Variants in JPT2 observed in about 807,000 individuals in gnomAD.
JPT2 encodes CRAMP_1 like.
In JPT2, 9 loss-of-function variants were observed where a neutral mutation model predicts 15.9. The ratio of observed to expected loss-of-function variants is 0.57; its 90% CI spans 0.34 to 0.99. The LOEUF (loss-of-function observed/expected upper bound fraction) is 0.99. Ranked by LOEUF, JPT2 falls within the 50% of genes least tolerant of loss-of-function variation. The probability of loss-of-function intolerance (pLI) is 0.02; values close to 1 mark genes in which losing one functional copy is unlikely to be tolerated. For synonymous variants in JPT2, 95 were observed against 91.7 expected, an observed-to-expected ratio of 1.04 and a Z score of -0.21; for missense variants, 267 against 252.1, an observed-to-expected ratio of 1.06 and a Z score of -0.40.
At chr16:1,678,935 A>C (rs918913002) in intron 1 of JPT2, among the ~76,000 whole-genome samples, 1 of 152,034 alleles carries the variant, frequency 6.6e-6, no homozygotes, top group African/African-American at 2.4e-5. Context: ...CTTCCTTTGG[A>C]AAGTGCCAGG....
chr16:1,687,082 A>G (rs1238356666), intron 2 of JPT2, among the ~76,000 whole-genome samples: 2 of 152,240 alleles, frequency 1.3e-5, no homozygotes, highest in East Asian at 3.8e-4. Flanking sequence ...TCCCAGGCTC[A>G]GGTGACCCTT....
At chr16:1,702,246 A>G (rs2037184725), downstream of JPT2, 1 of 439,042 alleles carries the variant, frequency 2.3e-6, no homozygotes. Context: ...GATGAAAGTC[A>G]ACGCTTGAGA....
chr16:1,684,939 G>A (rs1277381954), intron 1 of JPT2, among the ~76,000 whole-genome samples: 1 of 151,582 alleles, frequency 6.6e-6, no homozygotes, highest in Non-Finnish European at 1.5e-5. Flanking sequence ...ATACTTTTAA[G>A]GGAAACTAAA....
At chr16:1,692,221 C>T (rs1033816125) in intron 3 of JPT2, 38 of 566,100 alleles carry the variant, frequency 6.7e-5, no homozygotes, top group Non-Finnish European at 1.1e-4. Flanking sequence ...TGGTGGCGGA[C>T]GCCCACTGCA....
chr16:1,690,549 A>G (rs991910586), intron 2 of JPT2: 1 of 152,230 alleles, frequency 6.6e-6, no homozygotes, highest in Non-Finnish European at 1.5e-5. Flanking sequence ...ATCAATTTAC[A>G]AAATGTAATT....
Position 1,683,366 on chromosome 16 carries a change from C to T in JPT2, c.45-2073C>T. On this transcript the variant is annotated intron_variant, in intron 1 of 4. Transcript: ENST00000248098. ...GCTCAAACAGTCCTCCCACCTCGGC[C>T]TCCCAAGGTGCTGGGATTACAGGTG... 10 of 614,008 alleles carry T rather than the reference C, an allele frequency of 1.6e-5. No individual in the cohort carries two copies. The Admixed American group carries it at 2.3e-4, about 14-fold the overall frequency. The allele number at this position is 614,008 out of a possible 1,614,324, so 38.0% of individuals were successfully genotyped here. A position where few individuals can be genotyped will look rare whatever the true frequency, so the allele number is the denominator to read the frequency against.
At chr16:1,687,623 C>T (rs982029746) in intron 2 of JPT2, among the ~76,000 whole-genome samples, 3 of 152,160 alleles carry the variant, frequency 2.0e-5, no homozygotes, top group Admixed American at 1.3e-4. Flanking sequence ...GTGGGGAGCC[C>T]GGCCCCTTGC....
chr16:1,691,740 T>C, intron 2 of JPT2, 103 bp from the exon 3 acceptor site: 1 of 1,375,928 alleles, frequency 7.3e-7, no homozygotes, highest in Non-Finnish European at 9.7e-7. Context: ...GGGCTGGCAC[T>C]CGGGGTTCCT....
chr16:1,697,928 C>T (rs2037154390), intron 4 of JPT2, 68 bp downstream of exon 4: 3 of 1,417,068 alleles, frequency 2.1e-6, no homozygotes, highest in Middle Eastern at 1.8e-4. Context: ...GCTAGTCTCT[C>T]CTCTGGGAAT....
intron 2 of JPT2, 113 bp from the exon 3 acceptor site, chr16:1,691,730 G>T: frequency 7.7e-7 from 1 of 1,301,502 alleles, no homozygotes; most frequent in Non-Finnish European, 1.0e-6. Flanking sequence ...CTGGAGCTCA[G>T]GGCTGGCACT....
chr16:1,682,517 G>T (rs1020445763), intron 1 of JPT2, among the ~76,000 whole-genome samples: 1 of 151,906 alleles, frequency 6.6e-6, no homozygotes, highest in Non-Finnish European at 1.5e-5. Context: ...ACTAAAAATA[G>T]AAAAATTAGC....
chr16:1,684,562 GA>G (rs2037050030), intron 1 of JPT2, among the ~76,000 whole-genome samples: 2 of 152,032 alleles, frequency 1.3e-5, no homozygotes, highest in South Asian at 4.1e-4. Context: ...CCAACATGGC[GA>G]AACCCCGTCT....
chr16:1,689,184 C>T (rs2037087951), intron 2 of JPT2: 1 of 151,552 alleles, frequency 6.6e-6, no homozygotes, highest in South Asian at 2.1e-4. Context: ...CCAAAAACTT[C>T]AAATTGAGTT....
intron 1 of JPT2, among the ~76,000 whole-genome samples, chr16:1,680,097 T>G (rs2037010198): frequency 6.6e-6 from 1 of 152,208 alleles, no homozygotes; most frequent in Non-Finnish European, 1.5e-5. Context: ...GTGATTATTA[T>G]GCCTAGGTCT....
At chr16:1,687,493 A>G (rs1283036800) in intron 2 of JPT2, among the ~76,000 whole-genome samples, 1 of 152,190 alleles carries the variant, frequency 6.6e-6, no homozygotes, top group Admixed American at 6.5e-5. Flanking sequence ...AGCCATTTCC[A>G]GGTGTATGAA....
intron 2 of JPT2, among the ~76,000 whole-genome samples, chr16:1,686,963 C>G (rs1567469687): frequency 6.6e-6 from 1 of 152,212 alleles, no homozygotes; most frequent in Admixed American, 6.6e-5. Context: ...AGCAGTAGAT[C>G]CAGAAACTAG....
chr16:1,688,006 C>T (rs2037079832), intron 2 of JPT2, among the ~76,000 whole-genome samples: 1 of 152,242 alleles, frequency 6.6e-6, no homozygotes, highest in South Asian at 2.1e-4. Flanking sequence ...TTCAGTGAAT[C>T]TTCAGTAGTC....
At chr16:1,697,732 G>A in intron 3 of JPT2, 80 bp from the exon 4 acceptor site, 1 of 1,328,248 alleles carries the variant, frequency 7.5e-7, no homozygotes, top group Non-Finnish European at 1.1e-6. Flanking sequence ...AAGGTTATAT[G>A]GTCCTGATTT....
chr16:1,690,281 G>A (rs2037095655), intron 2 of JPT2: 1 of 152,216 alleles, frequency 6.6e-6, no homozygotes, highest in Non-Finnish European at 1.5e-5. Flanking sequence ...TGCTTCTGTG[G>A]AGCAGTGTGG....
Sources: gnomAD v4.1 joint callset for allele counts (sites outside exome capture counted in the v4.1 genomes callset) on GRCh38, gnomAD v4.1.1 for gene constraint, MANE v1.5 for transcripts, NCBI Gene and HGNC (gene_info 2026-07-23, HGNC 2026-07-21) for gene names.